KCNN2: variants seen among roughly 807,000 people sequenced by gnomAD.
KCNN2 encodes the protein potassium calcium-activated channel subfamily N member 2.
Under a neutral mutation model 55.5 loss-of-function variants are expected in KCNN2, and 24 were observed. The ratio of observed to expected loss-of-function variants is 0.43; its 90% CI spans 0.31 to 0.61. The LOEUF (loss-of-function observed/expected upper bound fraction) is 0.61. Ranked by LOEUF, KCNN2 falls within the 20% of genes least tolerant of loss-of-function variation. The pLI is 0.08. For synonymous variants in KCNN2, 431 were observed against 336.1 expected (o/e 1.28, Z -3.09); for missense variants, 754 against 853.6 (o/e 0.88, Z 1.45).
chr5:114,258,400 A>G (rs1471550097), intron 2 of KCNN2, among the ~76,000 whole-genome samples: 1 of 152,094 alleles, frequency 6.6e-6, no homozygotes, highest in Non-Finnish European at 1.5e-5. Context: ...ATTTGGGGGA[A>G]CGATTTTGGT....
chr5:114,390,846 A>T (rs1758430332), intron 2 of KCNN2, among the ~76,000 whole-genome samples: 1 of 152,198 alleles, frequency 6.6e-6, no homozygotes, highest in African/African-American at 2.4e-5. Flanking sequence ...GAATGTGAAC[A>T]TAATTGCATG....
At chr5:114,491,282 A>G (rs956236104) in intron 6 of KCNN2, among the ~76,000 whole-genome samples, 1 of 152,126 alleles carries the variant, frequency 6.6e-6, no homozygotes, top group African/African-American at 2.4e-5. Flanking sequence ...CCAGAGCCCA[A>G]ACTTCAGTCA....
chr5:114,263,214 G>A (rs902791909), intron 2 of KCNN2, among the ~76,000 whole-genome samples: 1 of 152,136 alleles, frequency 6.6e-6, no homozygotes, highest in Admixed American at 6.6e-5. Context: ...TTACAGATGG[G>A]TTGGATGTGT....
Position 114,107,215 on chromosome 5 carries a change from CTACTT to C in KCNN2, c.-271+50718_-271+50722del, listed in dbSNP as rs1751505868. 2.6e-5 allele frequency among the ~76,000 whole-genome samples: 4 copies of C among 152,170 alleles called. No individual in the cohort carries two copies. In the South Asian group the frequency reaches 8.3e-4, roughly 32 times the overall value. On this transcript the variant is annotated intron_variant, in intron 1 of 10. Transcript: ENST00000512097. ...AGTAGGTAATCATACATGTTTGAGG[CTACTT>C]TAGAGTTCTCTATTTTGTTCCAACA...
chr5:114,337,388 A>G (rs1177313099), intron 2 of KCNN2, among the ~76,000 whole-genome samples: 1 of 152,206 alleles, frequency 6.6e-6, no homozygotes, highest in East Asian at 1.9e-4. Flanking sequence ...CATAGAAGAA[A>G]GATGTCCCAT....
At chr5:114,382,424 G>C (rs1000839744) in intron 2 of KCNN2, among the ~76,000 whole-genome samples, 2 of 152,110 alleles carry the variant, frequency 1.3e-5, no homozygotes, top group Non-Finnish European at 2.9e-5. Context: ...CTAATTGTTC[G>C]ATGTGTATAT....
chr5:114,197,762 G>C (rs1407859035), intron 1 of KCNN2, among the ~76,000 whole-genome samples: 1 of 152,058 alleles, frequency 6.6e-6, no homozygotes, highest in Non-Finnish European at 1.5e-5. Flanking sequence ...GCTGCTGAAG[G>C]AAAAAGGAGC....
Position 114,363,532 on chromosome 5 carries a change from G to A in KCNN2, c.1122+271G>A, listed in dbSNP as rs1249593459. 3.3e-5 allele frequency among the ~76,000 whole-genome samples: 5 copies of A among 152,206 alleles called. No homozygotes were observed. The South Asian group carries it at 1.0e-3, about 32-fold the overall frequency. Reference sequence around the variant, plus strand: ...AAGTAAGTGGTTCTGGAAGTCGGTGGGGAAACCATCTGTAATTCATCCCCT... The same window carrying A: ...AAGTAAGTGGTTCTGGAAGTCGGTGAGGAAACCATCTGTAATTCATCCCCT... On this transcript the variant is annotated intron_variant, in intron 1 of 7. Coordinates refer to ENST00000673685, the MANE Select transcript of KCNN2 (RefSeq NM_021614.4).
At position 114,420,270 on chromosome 5, in the gene KCNN2, C is replaced by G. The variant is rs113844159; in HGVS notation, c.1637+15414C>G. Among the ~76,000 whole-genome samples the G allele has an allele frequency of 9.0e-3, 1,373 of 152,320 alleles. 21 individuals carry two copies. The highest frequency in any genetic ancestry group is 0.031 in the African/African-American group (1,276 of 41,562). ...AGGGAAATAATGTAAAGTCTTTTTG[C>G]AATATCTCTCTCTGCAAGCATGTAA... On this transcript the variant is annotated intron_variant, in intron 3 of 7. Coordinates refer to ENST00000673685, the MANE Select transcript of KCNN2 (RefSeq NM_021614.4).
chr5:114,251,955 T>C (rs1328974224), intron 2 of KCNN2, among the ~76,000 whole-genome samples: 1 of 150,892 alleles, frequency 6.6e-6, no homozygotes, highest in African/African-American at 2.4e-5. Flanking sequence ...CTTGGCTCAC[T>C]GCAACCTCTG....
At chr5:114,188,396 A>G (rs780866780) in intron 1 of KCNN2, among the ~76,000 whole-genome samples, 6 of 152,206 alleles carry the variant, frequency 3.9e-5, no homozygotes, top group Admixed American at 6.5e-5. Context: ...TCTGTATAAT[A>G]TATATGTTTC....
At chr5:114,241,178 A>G (rs72797691) in intron 2 of KCNN2, among the ~76,000 whole-genome samples, 2,841 of 151,968 alleles carry the variant, frequency 0.019, 34 homozygotes, top group Non-Finnish European at 0.027. Context: ...CAAACAGTAA[A>G]TGTCTGGATA....
At chr5:114,323,187 C>T (rs1756645715) in intron 2 of KCNN2, among the ~76,000 whole-genome samples, 1 of 152,166 alleles carries the variant, frequency 6.6e-6, no homozygotes, top group South Asian at 2.1e-4. Context: ...TCAAAGCTAC[C>T]ATAAACAGTA....
At chr5:114,102,611 G>A (rs928167889) in intron 1 of KCNN2, among the ~76,000 whole-genome samples, 2 of 152,076 alleles carry the variant, frequency 1.3e-5, no homozygotes, top group African/African-American at 4.8e-5. Flanking sequence ...GTTAATTTTT[G>A]TATAAGGTGT....
In KCNN2 at chr5:114,126,786, C is replaced by T. The variant is rs1445664715; in HGVS notation, c.-271+70286C>T. Among the ~76,000 whole-genome samples the T allele has an allele frequency of 4.6e-5, 7 of 152,100 alleles. No individual in the cohort carries two copies. The East Asian group carries it at 1.4e-3, about 29-fold the overall frequency. On this transcript the variant is annotated intron_variant, in intron 1 of 10. Coordinates refer to the KCNN2 transcript ENST00000512097. ...CATCTGAGACAAGGCAAGTCCCTTC[C>T]ACCTATGAGCCTGTAAAATCAAAAG...
intron 1 of KCNN2, among the ~76,000 whole-genome samples, chr5:114,118,338 G>T (rs1343013995): frequency 6.6e-6 from 1 of 152,042 alleles, no homozygotes; most frequent in Non-Finnish European, 1.5e-5. Context: ...GAAAAAGAAA[G>T]ATTTGTTCTG....
intron 1 of KCNN2, among the ~76,000 whole-genome samples, chr5:114,181,671 GA>G (rs1561512294): frequency 6.6e-6 from 1 of 151,868 alleles, no homozygotes; most frequent in African/African-American, 2.4e-5. Flanking sequence ...TGTTTGCTTC[GA>G]AATATTTTTA....
intron 3 of KCNN2, among the ~76,000 whole-genome samples, chr5:114,459,190 C>T (rs187376877): frequency 4.6e-5 from 7 of 152,338 alleles, no homozygotes; most frequent in Non-Finnish European, 8.8e-5. Context: ...CAGTCTTTGT[C>T]TCTGAAGCAT....
chr5:114,357,174 C>T (rs1037198614), upstream of KCNN2, among the ~76,000 whole-genome samples: 1 of 151,960 alleles, frequency 6.6e-6, no homozygotes, highest in Non-Finnish European at 1.5e-5. Context: ...TCAAGAGAAC[C>T]CTGCTTTTTA....
Sources: allele counts gnomAD v4.1 joint callset (sites outside exome capture counted in the v4.1 genomes callset), GRCh38; gene constraint gnomAD v4.1.1; transcripts MANE v1.5; gene names NCBI Gene and HGNC (gene_info 2026-07-23, HGNC 2026-07-21).